The following CHFR variants were observed in gnomAD, a reference collection of about 807,000 sequenced individuals.
The protein encoded by CHFR is E3 ubiquitin-protein ligase CHFR.
A neutral mutation model predicts 87.6 loss-of-function variants in CHFR; 57 were observed. That is an observed-to-expected ratio of 0.65 (90% CI 0.53 to 0.81). The LOEUF is 0.81. CHFR is among the 30% of genes least tolerant of loss of function. The pLI, the probability that CHFR is intolerant of heterozygous loss-of-function variation, is 0.00. For synonymous variants in CHFR, 381 were observed against 359.2 expected, an observed-to-expected ratio of 1.06 and a Z score of -0.69; for missense variants, 797 against 865.8, an observed-to-expected ratio of 0.92 and a Z score of 1.00.
intron 6 of CHFR, among the ~76,000 whole-genome samples, chr12:132,862,149 CATGTAGTCCCAGCTA>C (rs1170432134): frequency 1.3e-5 from 2 of 152,066 alleles, no homozygotes; most frequent in East Asian, 3.9e-4. Flanking sequence ...GTGGCGAGTG[CATGTAGTCCCAGCTA>C]CTCAAGAGGC....
chr12:132,838,698 C>G lies in CHFR; in HGVS notation c.*2856G>C, dbSNP rs1950666462. The G allele has an allele frequency of 1.3e-5, 2 of 152,318 alleles. No individual in the cohort carries two copies. Among genetic ancestry groups the G allele is most frequent in the South Asian group, 2.1e-4 (1 of 4,832 alleles). The allele number at this position is 152,318 out of a possible 1,614,324, so 9.4% of individuals were successfully genotyped here. A position where few individuals can be genotyped will look rare whatever the true frequency, so the allele number is the denominator to read the frequency against. Reference sequence around the variant, plus strand: ...CTGTGGACGACCCACGCAGCCACCCCACAAGGAGAGCAGGGCTCCAAAACC... The same window carrying G: ...CTGTGGACGACCCACGCAGCCACCCGACAAGGAGAGCAGGGCTCCAAAACC... On this transcript the variant is annotated 3_prime_UTR_variant, in exon 18 of 18. Transcript: ENST00000450056.
At chr12:132,876,594 T>A (rs530675986) in intron 3 of CHFR, among the ~76,000 whole-genome samples, 1 of 152,298 alleles carries the variant, frequency 6.6e-6, no homozygotes, top group African/African-American at 2.4e-5. Flanking sequence ...GGGAAAGAAA[T>A]CAAACTTGAA....
At position 132,859,226 on chromosome 12, in the gene CHFR, A is replaced by C. The variant is rs756088633; in HGVS notation, c.753T>G (p.Asp251Glu). 3.7e-6 allele frequency: 6 copies of C among 1,611,854 alleles called. No individual in the cohort carries two copies. The highest frequency in any genetic ancestry group is 4.5e-5 in the East Asian group (2 of 44,732). The change falls in exon 8 of 18, where the codon GAT becomes GAG. Residue 251 changes from aspartate (D) to glutamate (E), a missense_variant and splice_region_variant. Physicochemically the swap from Asp to Glu is conservative, Grantham distance 45. Transcript: ENST00000450056. The part of the protein sequence containing the change: ...LEPVKKKMRG[D>E]GDLDLNGQLL... ...ACTGCCCGTTCAGGTCAAGGTCCCC[A>C]TCTACAGGAGAAAGGGATGTGTTCT...
chr12:132,846,222 G>A (rs987896665), intron 15 of CHFR, among the ~76,000 whole-genome samples: 1 of 151,338 alleles, frequency 6.6e-6, no homozygotes, highest in African/African-American at 2.4e-5. Context: ...TACAAGGATA[G>A]AAGCTGCTGG....
At chr12:132,847,838 T>A (rs758667133) in intron 14 of CHFR, 17 of 1,341,260 alleles carry the variant, frequency 1.3e-5, no homozygotes, top group Non-Finnish European at 1.6e-5. Flanking sequence ...GGGAAGCGGC[T>A]CCTACGAATT....
rs1308585038 is a variant in CHFR, at chr12:132,836,989, G to C, written c.*4565C>G. On this transcript the variant is annotated 3_prime_UTR_variant, in exon 18 of 18. Transcript: ENST00000450056. The stretch of plus-strand genomic sequence containing the variant: ...TTTCCGATAGTGACAGGTGCTGGGG[G>C]GAAACTAGACTGGCTGGCGGGGTGG... 2.8e-6 allele frequency: 1 copy of C among 358,278 alleles called. No homozygotes were observed. The highest frequency in any genetic ancestry group is 2.1e-5 in the African/African-American group (1 of 46,648). 22.2% of individuals were successfully genotyped at this position (358,278 alleles called of 1,614,324 possible). A position where few individuals can be genotyped will look rare whatever the true frequency, so the allele number is the denominator to read the frequency against.
At position 132,836,848 on chromosome 12, in the gene CHFR, A is replaced by G; in HGVS notation, c.*4706T>C. On this transcript the variant is annotated 3_prime_UTR_variant, in exon 18 of 18. Coordinates refer to ENST00000450056, the MANE Select transcript of CHFR (RefSeq NM_001161346.2). The stretch of plus-strand genomic sequence containing the variant: ...TTCAGTAGCCAACTGGTCAGTGATC[A>G]GTAGATGCTGCCCTGGGGCCAAACA... 1 of 442,842 alleles carries G rather than the reference A, an allele frequency of 2.3e-6. No individual in the cohort carries two copies. The highest frequency in any genetic ancestry group is 4.5e-6 in the Non-Finnish European group (1 of 220,044). The allele number at this position is 442,842 out of a possible 1,614,324, so 27.4% of individuals were successfully genotyped here.
At chr12:132,843,661 G>C (rs1418665404) in intron 16 of CHFR, among the ~76,000 whole-genome samples, 2 of 151,804 alleles carry the variant, frequency 1.3e-5, no homozygotes, top group African/African-American at 4.8e-5. Context: ...GTGCAAACAG[G>C]GTGTCTGTAA....
At chr12:132,852,890 G>A (rs1285745553) in intron 11 of CHFR, among the ~76,000 whole-genome samples, 2 of 152,220 alleles carry the variant, frequency 1.3e-5, no homozygotes, top group African/African-American at 4.8e-5. Context: ...TGAGTCTGGA[G>A]TGAGCAGGGC....
intron 6 of CHFR, chr12:132,866,004 T>C (rs1318698674): frequency 6.6e-6 from 1 of 152,202 alleles, no homozygotes; most frequent in African/African-American, 2.4e-5. Flanking sequence ...AGTGTTATTT[T>C]CTTTCACTCA....
rs1950851576 is a variant in CHFR, at chr12:132,847,278, ACGTTCACGGCCTG to A, written c.1648-161_1648-149del. On this transcript the variant is annotated intron_variant, in intron 14 of 17. Transcript: ENST00000450056. The stretch of plus-strand genomic sequence containing the variant: ...ATAAGTGGCATTTGCAGAGGGCTGC[ACGTTCACGGCCTG>A]CAGCACGAGAAGTCTTGTCCAAGAG... The A allele has an allele frequency of 5.6e-6, 8 of 1,420,324 alleles. No individual in the cohort carries two copies. The South Asian group carries it at 1.2e-4, about 21-fold the overall frequency. The allele number at this position is 1,420,324 out of a possible 1,614,324, so 88.0% of individuals were successfully genotyped here.
At chr12:132,855,852 TG>T (rs1425128972) in intron 10 of CHFR, among the ~76,000 whole-genome samples, 2 of 142,228 alleles carry the variant, frequency 1.4e-5, no homozygotes, top group Admixed American at 7.0e-5. Context: ...AAGTTTCAAG[TG>T]TTTTTTTTTG....
At chr12:132,876,282 T>C (rs1301482514) in intron 3 of CHFR, among the ~76,000 whole-genome samples, 4 of 152,216 alleles carry the variant, frequency 2.6e-5, no homozygotes, top group Admixed American at 6.5e-5. Context: ...AACGTATGAA[T>C]AGGATTTTGG....
intron 2 of CHFR, among the ~76,000 whole-genome samples, chr12:132,881,064 C>T (rs575518921): frequency 3.9e-5 from 6 of 152,072 alleles, no homozygotes; most frequent in African/African-American, 1.2e-4. Flanking sequence ...ACCAGGACTT[C>T]GAGACCAGCC....
At position 132,877,548 on chromosome 12, in the gene CHFR, T is replaced by TACTCACC. The variant is rs1566203133; in HGVS notation, c.233_233+6dup. The TACTCACC allele has an allele frequency of 3.8e-6, 6 of 1,588,700 alleles. No homozygotes were observed. The highest frequency in any genetic ancestry group is 5.2e-6 in the Non-Finnish European group (6 of 1,159,590). On this transcript the variant is annotated splice_region_variant and intron_variant, in intron 3 of 17. Coordinates refer to ENST00000450056, the MANE Select transcript of CHFR (RefSeq NM_001161346.2). ...GAAACACCAAAAGAAGCTCAGAACA[T>TACTCACC]ACTCACCTGGTATCTTCCAGTGTCA...
At chr12:132,882,871 A>G (rs913541721) in intron 2 of CHFR, 3 of 151,960 alleles carry the variant, frequency 2.0e-5, no homozygotes, top group African/African-American at 4.8e-5. Context: ...ACGCTCAGCT[A>G]ATTTTTTAAG....
chr12:132,865,651 G>GTTTTTTTTTTTT (rs1241641864), intron 6 of CHFR, among the ~76,000 whole-genome samples: 1 of 127,018 alleles, frequency 7.9e-6, no homozygotes, highest in Non-Finnish European at 1.6e-5. Context: ...GGGATTACAG[G>GTTTTTTTTTTTT]TCTTTTTTTT....
Position 132,878,068 on chromosome 12 carries a change from C to T in CHFR, c.134-414G>A, listed in dbSNP as rs189143543. Among the ~76,000 whole-genome samples the T allele has an allele frequency of 4.3e-3, 650 of 152,288 alleles. 4 individuals carry two copies. Among genetic ancestry groups the T allele is most frequent in the African/African-American group, 0.015 (612 of 41,560 alleles). ...CTGCCCACCTTGGCCTCCCAAAGTG[C>T]TGAGATTACAGGCGTGAGCCACCGC... On this transcript the variant is annotated intron_variant, in intron 2 of 17. Transcript: ENST00000450056.
chr12:132,843,819 G>A (rs1249387783), intron 16 of CHFR, among the ~76,000 whole-genome samples: 1 of 151,958 alleles, frequency 6.6e-6, no homozygotes, highest in Non-Finnish European at 1.5e-5. Context: ...CGTGGTGGCG[G>A]GTGCCTGTAA....
Sources: allele counts gnomAD v4.1 joint callset (sites outside exome capture counted in the v4.1 genomes callset), GRCh38; gene constraint gnomAD v4.1.1; transcripts MANE v1.5; gene names NCBI Gene and HGNC (gene_info 2026-07-23, HGNC 2026-07-21).